PRKCE: variants seen among roughly 807,000 people sequenced by gnomAD.
PRKCE encodes the protein protein kinase C epsilon.
Under a neutral mutation model 85.4 loss-of-function variants are expected in PRKCE, and 16 were observed. The ratio of observed to expected loss-of-function variants is 0.19; its 90% confidence interval spans 0.13 to 0.28. PRKCE has a LOEUF of 0.28. Among genes scored for constraint, PRKCE ranks in the 10% least tolerant of loss-of-function variants. The pLI is 1.00. For missense variants in PRKCE, 573 were observed against 975.2 expected, an observed-to-expected ratio of 0.59 and a Z score of 5.49; for synonymous variants, 388 against 371.5, an observed-to-expected ratio of 1.04 and a Z score of -0.51.
intron 2 of PRKCE, among the ~76,000 whole-genome samples, chr2:45,934,648 CAA>C (rs34473239): frequency 2.3e-5 from 3 of 132,080 alleles, no homozygotes. Context: ...GACTCTGCCT[CAA>C]AAAAAAAAAA....
At chr2:45,989,799 A>T (rs186672606) in intron 6 of PRKCE, among the ~76,000 whole-genome samples, 1 of 152,326 alleles carries the variant, frequency 6.6e-6, no homozygotes, top group African/African-American at 2.4e-5. Context: ...TTAGAATTAT[A>T]AAGAGCACAA....
chr2:45,652,052 G>A lies in PRKCE; in HGVS notation c.-49G>A, dbSNP rs1259533133. 1.4e-6 allele frequency: 2 copies of A among 1,435,762 alleles called. No individual in the cohort carries two copies. The highest frequency in any genetic ancestry group is 1.9e-4 in the Middle Eastern group (1 of 5,210). The allele number at this position is 1,435,762 out of a possible 1,614,324, so 88.9% of individuals were successfully genotyped here. A position where few individuals can be genotyped will look rare whatever the true frequency, so the allele number is the denominator to read the frequency against. ...GCCGGGCCGTCGGTTCTTCATTCCT[G>A]CCCTCGGGGCAGACGGAGTGACCCC... is the stretch of plus-strand genomic sequence containing the variant. On this transcript the variant is annotated 5_prime_UTR_variant, in exon 1 of 15. Coordinates refer to ENST00000306156, the MANE Select transcript of PRKCE (RefSeq NM_005400.3). This position sits in a 1 kb window ranked among gnomAD's most constrained non-coding sequence, Gnocchi z 7.7.
intron 1 of PRKCE, among the ~76,000 whole-genome samples, chr2:45,763,877 G>A (rs1195404987): frequency 6.6e-6 from 1 of 152,202 alleles, no homozygotes; most frequent in Admixed American, 6.5e-5. Context: ...GGGAGCTTTG[G>A]TGTTTGTTTT....
intron 1 of PRKCE, among the ~76,000 whole-genome samples, chr2:45,702,915 G>C (rs1426199639): frequency 6.6e-6 from 1 of 152,164 alleles, no homozygotes; most frequent in East Asian, 1.9e-4. Flanking sequence ...TCCACAGAAA[G>C]ACTTCTGGGC....
chr2:45,742,417 A>G (rs1244562960), intron 1 of PRKCE, among the ~76,000 whole-genome samples: 1 of 148,406 alleles, frequency 6.7e-6, no homozygotes, highest in Non-Finnish European at 1.5e-5. Flanking sequence ...CCTGGGTGAC[A>G]GAGAACCTAT....
chr2:46,168,132 C>G (rs551119427), intron 14 of PRKCE, among the ~76,000 whole-genome samples: 26 of 152,304 alleles, frequency 1.7e-4, no homozygotes, highest in Admixed American at 5.2e-4. Flanking sequence ...CCCCTACCCC[C>G]ACTCCAGGGA....
intron 12 of PRKCE, among the ~76,000 whole-genome samples, chr2:46,149,735 ATATG>A (rs978174435): frequency 6.9e-5 from 10 of 145,928 alleles, no homozygotes; most frequent in African/African-American, 1.6e-4. Context: ...GTATTTATAT[ATATG>A]TATTTATATA....
At chr2:45,761,055 T>TGC (rs1558642525) in intron 1 of PRKCE, among the ~76,000 whole-genome samples, 6 of 151,952 alleles carry the variant, frequency 3.9e-5, no homozygotes, top group African/African-American at 7.2e-5. Context: ...AGGCCGGGCA[T>TGC]GGTGGCTCAC....
intron 10 of PRKCE, among the ~76,000 whole-genome samples, chr2:46,062,062 A>G (rs1196998801): frequency 1.3e-5 from 2 of 151,728 alleles, no homozygotes; most frequent in Non-Finnish European, 2.9e-5. Flanking sequence ...GGGTTTCGCC[A>G]TGTTGGTCAG....
At chr2:45,661,391 C>T (rs1675633722) in intron 1 of PRKCE, among the ~76,000 whole-genome samples, 1 of 151,998 alleles carries the variant, frequency 6.6e-6, no homozygotes, top group Admixed American at 6.6e-5. Flanking sequence ...CCATGTTGGC[C>T]AGGGTGGTCT....
intron 11 of PRKCE, among the ~76,000 whole-genome samples, chr2:46,129,492 C>A (rs545564274): frequency 1.4e-4 from 22 of 152,338 alleles, no homozygotes; most frequent in African/African-American, 5.3e-4. Context: ...GGACAGGGAA[C>A]GTGTTTCCAT....
At chr2:46,101,110 C>T (rs1671178074) in intron 11 of PRKCE, among the ~76,000 whole-genome samples, 1 of 152,202 alleles carries the variant, frequency 6.6e-6, no homozygotes, top group African/African-American at 2.4e-5. Flanking sequence ...CTCGAGTGAT[C>T]TGTCCGCCTT....
intron 10 of PRKCE, among the ~76,000 whole-genome samples, chr2:46,054,781 C>A (rs1319044319): frequency 6.6e-6 from 1 of 152,182 alleles, no homozygotes; most frequent in Non-Finnish European, 1.5e-5. Flanking sequence ...TCCAAAACCA[C>A]CCATGGCCCG....
chr2:46,183,230 A>G (rs573337885), intron 14 of PRKCE, among the ~76,000 whole-genome samples: 1 of 152,356 alleles, frequency 6.6e-6, no homozygotes, highest in Admixed American at 6.5e-5. Context: ...AACAAAGCAA[A>G]CTAGATTTCC....
chr2:45,910,011 T>C (rs1420733957), intron 2 of PRKCE, among the ~76,000 whole-genome samples: 1 of 151,502 alleles, frequency 6.6e-6, no homozygotes, highest in Non-Finnish European at 1.5e-5. Context: ...AGAGTGGCAT[T>C]TCTGTAAATG....
Position 46,010,723 on chromosome 2 carries a change from A to G in PRKCE, c.1437+206A>G, listed in dbSNP as rs1460201891. 2.5e-6 allele frequency: 4 copies of G among 1,598,436 alleles called. No individual in the cohort carries two copies. The Admixed American group carries it at 5.0e-5, about 20-fold the overall frequency. ...CATTCAAGGTTGTGCTTGTGAAGGG[A>G]TGAGAGAGCTGTAGAATTCTTTGCA... On this transcript the variant is annotated intron_variant, in intron 10 of 14. Transcript: ENST00000306156.
intron 1 of PRKCE, among the ~76,000 whole-genome samples, chr2:45,750,079 C>T (rs950155814): frequency 6.6e-6 from 1 of 152,170 alleles, no homozygotes; most frequent in East Asian, 1.9e-4. Context: ...TCTTCATCTC[C>T]TTTGTTCTAC....
intron 10 of PRKCE, among the ~76,000 whole-genome samples, chr2:46,023,362 T>C (rs1248984955): frequency 6.6e-6 from 1 of 152,208 alleles, no homozygotes; most frequent in Admixed American, 6.5e-5. Flanking sequence ...GTAACCTGTT[T>C]AGTCATCTCA....
rs115985094 is a variant in PRKCE, at chr2:46,053,410, C to G, written c.1438-32798C>G. Among the ~76,000 whole-genome samples the G allele has an allele frequency of 9.1e-3, 1,384 of 152,282 alleles. 24 individuals are homozygous for G. The highest frequency in any genetic ancestry group is 0.032 in the African/African-American group (1,329 of 41,536). On this transcript the variant is annotated intron_variant, in intron 10 of 14. Coordinates refer to ENST00000306156, the MANE Select transcript of PRKCE (RefSeq NM_005400.3). ...ACAGTTCTGCGGCATTAAATACATTCATAAAGTTATGCATCCGTCACCACT... is the reference window on the plus strand; with the variant it reads ...ACAGTTCTGCGGCATTAAATACATTGATAAAGTTATGCATCCGTCACCACT...
Sources: allele counts gnomAD v4.1 joint callset (sites outside exome capture counted in the v4.1 genomes callset), GRCh38; gene constraint gnomAD v4.1.1; non-coding constraint Gnocchi (gnomAD v3.1); transcripts MANE v1.5; gene names NCBI Gene and HGNC (gene_info 2026-07-23, HGNC 2026-07-21).